Variants in TRPM6 observed in about 807,000 individuals in gnomAD.
The protein encoded by TRPM6 is transient receptor potential cation channel subfamily M member 6, also known as channel kinase 2.
In TRPM6, 111 loss-of-function variants were observed where a neutral mutation model predicts 247.6. The observed-to-expected ratio is 0.45, with a 90% CI of 0.38 to 0.52. The LOEUF (loss-of-function observed/expected upper bound fraction) is 0.52, where lower values mean the gene tolerates loss of function less well. Among genes scored for constraint, TRPM6 ranks in the 20% least tolerant of loss-of-function variants. The pLI is 0.00. For missense variants in TRPM6, 2,126 were observed against 2,421.5 expected, an observed-to-expected ratio of 0.88 and a Z score of 2.56; for synonymous variants, 892 against 853.8, an observed-to-expected ratio of 1.04 and a Z score of -0.78.
chr9:74,841,004 T>C (rs1829920211), intron 4 of TRPM6, among the ~76,000 whole-genome samples: 1 of 152,146 alleles, frequency 6.6e-6, no homozygotes, highest in African/African-American at 2.4e-5. Context: ...TTTCACAGAT[T>C]TGCATAATTT....
At position 74,766,611 on chromosome 9, in the gene TRPM6, T is replaced by C. The variant is rs1396395115; in HGVS notation, c.3537-3477A>G. Among the ~76,000 whole-genome samples the C allele has an allele frequency of 9.9e-5, 15 of 151,984 alleles. 1 individual carries two copies. The highest frequency in any genetic ancestry group is 7.9e-4 in the Admixed American group (12 of 15,244). On this transcript the variant is annotated intron_variant, in intron 25 of 38. Coordinates refer to ENST00000360774, the MANE Select transcript of TRPM6 (RefSeq NM_017662.5). ...GGTAGGAATTACTATTATCCTTTCA[T>C]AGAAAAGAGCCTGGGTCAGCCGGGC...
At chr9:74,785,792 G>A (rs1346599122) in intron 21 of TRPM6, 82 bp downstream of exon 21, 11 of 1,526,792 alleles carry the variant, frequency 7.2e-6, no homozygotes, top group East Asian at 4.5e-5. Context: ...CAAAGTGCTG[G>A]GATTACAGGT....
In TRPM6 at chr9:74,767,696, C is replaced by T. The variant is rs138093468; in HGVS notation, c.3536+4007G>A. ...TTAATTAGAGCTGCAGGCTCAGATG[C>T]GGTAACTCACGCCTGTAATCCCAGC... On this transcript the variant is annotated intron_variant, in intron 25 of 38. Transcript: ENST00000360774. 2.4e-3 allele frequency among the ~76,000 whole-genome samples: 360 copies of T among 152,176 alleles called. 2 individuals are homozygous for T. Among genetic ancestry groups the T allele is most frequent in the Non-Finnish European group, 3.4e-3 (228 of 68,010 alleles).
At chr9:74,729,653 A>G (rs570805852) in intron 37 of TRPM6, among the ~76,000 whole-genome samples, 155 of 152,308 alleles carry the variant, frequency 1.0e-3, no homozygotes, top group Middle Eastern at 3.4e-3. Context: ...TCCATCTGGT[A>G]AGGAACCACT....
chr9:74,748,280 T>C (rs1184106778), intron 30 of TRPM6, among the ~76,000 whole-genome samples: 1 of 152,258 alleles, frequency 6.6e-6, no homozygotes, highest in Admixed American at 6.5e-5. Context: ...CACATAATAC[T>C]TGATGATCAT....
intron 5 of TRPM6, among the ~76,000 whole-genome samples, chr9:74,837,036 C>T (rs1829747346): frequency 6.6e-6 from 1 of 152,202 alleles, no homozygotes; most frequent in Admixed American, 6.5e-5. Flanking sequence ...TGCTTTTTGT[C>T]TGTCACAGCC....
chr9:74,861,027 A>AAAAG (rs3056771), intron 1 of TRPM6, among the ~76,000 whole-genome samples: 4 of 151,084 alleles, frequency 2.6e-5, no homozygotes, highest in Non-Finnish European at 4.4e-5. Context: ...TGTCACAAAA[A>AAAAG]AAAGAAAGAA....
chr9:74,853,299 C>T (rs1323205064), intron 3 of TRPM6, among the ~76,000 whole-genome samples: 4 of 151,958 alleles, frequency 2.6e-5, no homozygotes, highest in Admixed American at 1.3e-4. Context: ...GCCCGGCAGC[C>T]GCCCCATCCG....
intron 1 of TRPM6, among the ~76,000 whole-genome samples, chr9:74,884,634 G>A (rs1256306251): frequency 3.3e-5 from 5 of 151,996 alleles, no homozygotes; most frequent in African/African-American, 1.2e-4. Flanking sequence ...GGTAGAAAGG[G>A]AACTTTCTAT....
chr9:74,817,151 G>A (rs1239181876), intron 9 of TRPM6, among the ~76,000 whole-genome samples, 187 bp from the exon 10 acceptor site: 2 of 151,918 alleles, frequency 1.3e-5, no homozygotes, highest in Non-Finnish European at 2.9e-5. Context: ...CACTTGGGGG[G>A]GAAAAAACTA....
At chr9:74,739,038 C>T (rs72614701) in intron 35 of TRPM6, among the ~76,000 whole-genome samples, 8,549 of 152,216 alleles carry the variant, frequency 0.056, 331 homozygotes, top group East Asian at 0.17. Context: ...GGGAAGAGAC[C>T]ATGCTTACAA....
At chr9:74,848,073 G>A (rs1830168112) in intron 3 of TRPM6, among the ~76,000 whole-genome samples, 1 of 152,136 alleles carries the variant, frequency 6.6e-6, no homozygotes, top group South Asian at 2.1e-4. Context: ...TGCAACTGAA[G>A]GTACAGCAGT....
At chr9:74,733,195 C>T (rs1204819579) in intron 36 of TRPM6, among the ~76,000 whole-genome samples, 1 of 150,632 alleles carries the variant, frequency 6.6e-6, no homozygotes, top group Non-Finnish European at 1.5e-5. Flanking sequence ...GAGCTTAACT[C>T]TATCTCAAAG....
At position 74,752,343 on chromosome 9, in the gene TRPM6, T is replaced by G; in HGVS notation, c.4932A>C (p.Lys1644Asn). Residue 1644 changes from lysine (K) to asparagine (N), a missense_variant, in exon 29 of 39, where the codon AAA becomes AAC. By Grantham distance (94) the Lys-to-Asn change is moderately conservative. Coordinates refer to ENST00000360774, the MANE Select transcript of TRPM6 (RefSeq NM_017662.5). ...HTGVEPYIHQ[K>N]MKTKEIGQCA... ...ATTGTCCAATTTCTTTAGTTTTCAT[T>G]TTCTGATGTATGTAAGGTTCTACAC... 1 of 1,593,854 alleles carries G rather than the reference T, an allele frequency of 6.3e-7. No individual in the cohort carries two copies. Among genetic ancestry groups the G allele is most frequent in the Non-Finnish European group, 8.6e-7 (1 of 1,165,498 alleles).
At chr9:74,858,815 C>T in intron 1 of TRPM6, 67 bp from the exon 2 acceptor site, 1 of 1,307,582 alleles carries the variant, frequency 7.6e-7, no homozygotes, top group Non-Finnish European at 1.1e-6. Flanking sequence ...ATAGTAGTTC[C>T]TGCAGGTAAG....
At chr9:74,853,212 C>G (rs10869449) in intron 3 of TRPM6, among the ~76,000 whole-genome samples, 1 of 150,340 alleles carries the variant, frequency 6.7e-6, no homozygotes, top group African/African-American at 2.5e-5. Context: ...CCCCTCCGCC[C>G]GGCAGCCGCC....
intron 1 of TRPM6, among the ~76,000 whole-genome samples, chr9:74,864,076 A>G (rs1830773201): frequency 6.6e-6 from 1 of 152,086 alleles, no homozygotes; most frequent in African/African-American, 2.4e-5. Flanking sequence ...TCTCTTACAC[A>G]CATCACAGCA....
At chr9:74,880,082 A>G (rs1041292454) in intron 1 of TRPM6, among the ~76,000 whole-genome samples, 1 of 152,132 alleles carries the variant, frequency 6.6e-6, no homozygotes, top group Admixed American at 6.5e-5. Flanking sequence ...TATTTGTCAC[A>G]GGAGTCCTCT....
chr9:74,821,015 A>G (rs147401522), intron 8 of TRPM6, among the ~76,000 whole-genome samples: 17 of 152,216 alleles, frequency 1.1e-4, no homozygotes, highest in African/African-American at 4.1e-4. Context: ...AAGAGCAATC[A>G]TAAGCAAAGG....
Sources: gnomAD v4.1 joint callset for allele counts (sites outside exome capture counted in the v4.1 genomes callset) on GRCh38, gnomAD v4.1.1 for gene constraint, MANE v1.5 for transcripts, NCBI Gene and HGNC (gene_info 2026-07-23, HGNC 2026-07-21) for gene names.